Variants in PHACTR1 observed in about 807,000 individuals in gnomAD.
PHACTR1 encodes RPEL repeat containing 1.
PHACTR1 carries 16 observed loss-of-function variants against 69.2 expected under a neutral mutation model. The ratio of observed to expected loss-of-function variants is 0.23; its 90% CI spans 0.16 to 0.35. The LOEUF is 0.35. Ranked by LOEUF, PHACTR1 falls within the 10% of genes least tolerant of loss-of-function variation. The probability of loss-of-function intolerance (pLI) is 1.00; values close to 1 mark genes in which losing one functional copy is unlikely to be tolerated. For synonymous variants in PHACTR1, 312 were observed against 284.5 expected, an observed-to-expected ratio of 1.10 and a Z score of -0.97; for missense variants, 510 against 734.7, an observed-to-expected ratio of 0.69 and a Z score of 3.54.
intron 8 of PHACTR1, among the ~76,000 whole-genome samples, chr6:13,208,295 C>T (rs569221290): frequency 3.3e-5 from 5 of 152,306 alleles, no homozygotes; most frequent in African/African-American, 4.8e-5. Context: ...TCTGCAACCA[C>T]GTAAGTGCAG....
chr6:13,154,134 C>G (rs545392342), intron 5 of PHACTR1, among the ~76,000 whole-genome samples: 1 of 152,214 alleles, frequency 6.6e-6, no homozygotes, highest in East Asian at 1.9e-4. Flanking sequence ...CGTGTGGACA[C>G]TTGGATTTTA....
At chr6:13,057,871 A>C (rs1015388041) in intron 5 of PHACTR1, among the ~76,000 whole-genome samples, 13 of 152,194 alleles carry the variant, frequency 8.5e-5, no homozygotes, top group African/African-American at 2.7e-4. Flanking sequence ...GGCCCTGAGC[A>C]TTAAGACCCA....
intron 10 of PHACTR1, among the ~76,000 whole-genome samples, chr6:13,259,944 C>G (rs1775683567): frequency 6.6e-6 from 1 of 152,174 alleles, no homozygotes. Context: ...GGGCATAGTA[C>G]TGAGGAATAA....
At chr6:12,783,561 T>G (rs1771098351) in intron 4 of PHACTR1, among the ~76,000 whole-genome samples, 1 of 152,134 alleles carries the variant, frequency 6.6e-6, no homozygotes, top group South Asian at 2.1e-4. Flanking sequence ...AAATTAGCAG[T>G]TTTCAGCCTC....
chr6:12,920,667 G>A (rs563414296), intron 4 of PHACTR1, among the ~76,000 whole-genome samples: 1 of 152,344 alleles, frequency 6.6e-6, no homozygotes, highest in South Asian at 2.1e-4. Context: ...GAATTATGGT[G>A]AATGTAAAAG....
intron 4 of PHACTR1, among the ~76,000 whole-genome samples, chr6:12,935,961 A>G (rs554211465): frequency 9.1e-4 from 138 of 152,030 alleles, no homozygotes; most frequent in Middle Eastern, 3.4e-3. Context: ...TCTGAAACCT[A>G]ATGTTCTCAC....
intron 5 of PHACTR1, among the ~76,000 whole-genome samples, chr6:13,147,350 T>C (rs1050762517): frequency 2.0e-5 from 3 of 152,230 alleles, no homozygotes; most frequent in Admixed American, 6.5e-5. Context: ...CCCAAGAATA[T>C]GCAGCCTGGT....
intron 5 of PHACTR1, among the ~76,000 whole-genome samples, chr6:13,158,632 C>G (rs1758533689): frequency 1.3e-5 from 2 of 152,108 alleles, no homozygotes; most frequent in Admixed American, 1.3e-4. Context: ...GAAAATAACC[C>G]AGAGAGCTTT....
intron 4 of PHACTR1, among the ~76,000 whole-genome samples, chr6:12,891,234 A>G (rs1027058269): frequency 6.6e-6 from 1 of 152,146 alleles, no homozygotes; most frequent in Non-Finnish European, 1.5e-5. Context: ...TTGGGTGATC[A>G]GTGTGAAAAG....
chr6:13,134,481 T>G (rs1166083970), intron 5 of PHACTR1, among the ~76,000 whole-genome samples: 2 of 152,204 alleles, frequency 1.3e-5, no homozygotes, highest in African/African-American at 2.4e-5. Context: ...GCTGTTAATC[T>G]ATAACCTTAC....
At chr6:12,956,110 G>A (rs1791867373) in intron 4 of PHACTR1, among the ~76,000 whole-genome samples, 1 of 152,200 alleles carries the variant, frequency 6.6e-6, no homozygotes, top group African/African-American at 2.4e-5. Context: ...GAGAGAAAAG[G>A]AGTGAGACTA....
intron 10 of PHACTR1, among the ~76,000 whole-genome samples, chr6:13,269,026 T>C (rs568780301): frequency 1.7e-4 from 26 of 152,292 alleles, no homozygotes; most frequent in Admixed American, 1.4e-3. Flanking sequence ...ACAGAGCCAG[T>C]TGTCATGTTC....
intron 4 of PHACTR1, among the ~76,000 whole-genome samples, chr6:12,947,270 C>G (rs2127548797): frequency 6.6e-6 from 1 of 152,098 alleles, no homozygotes; most frequent in East Asian, 1.9e-4. Context: ...ACTGTTGAGA[C>G]AGGATGGTCT....
intron 7 of PHACTR1, among the ~76,000 whole-genome samples, chr6:13,200,959 G>T (rs1001063704): frequency 2.7e-5 from 4 of 147,870 alleles, no homozygotes; most frequent in South Asian, 2.2e-4. Flanking sequence ...AAAAAAAAAA[G>T]AAAAAAATTA....
At chr6:12,978,260 G>A (rs112299387) in intron 4 of PHACTR1, among the ~76,000 whole-genome samples, 96 of 152,246 alleles carry the variant, frequency 6.3e-4, no homozygotes, top group African/African-American at 2.0e-3. Context: ...CTTGCCTAGT[G>A]CAAATTCTCT....
At chr6:13,159,897 G>A (rs1049324182) in intron 5 of PHACTR1, among the ~76,000 whole-genome samples, 1 of 152,020 alleles carries the variant, frequency 6.6e-6, no homozygotes, top group Non-Finnish European at 1.5e-5. Context: ...CTGAGATCGC[G>A]CCACTGTACT....
At chr6:13,114,576 A>G (rs1014497012) in intron 5 of PHACTR1, among the ~76,000 whole-genome samples, 7 of 152,254 alleles carry the variant, frequency 4.6e-5, no homozygotes, top group Admixed American at 2.6e-4. Context: ...ATTTAGAGTT[A>G]AAATGTAATT....
At chr6:12,869,014 C>G (rs1781755348) in intron 4 of PHACTR1, among the ~76,000 whole-genome samples, 1 of 152,006 alleles carries the variant, frequency 6.6e-6, no homozygotes, top group African/African-American at 2.4e-5. Flanking sequence ...CTTGTGAATT[C>G]TATTTTACAA....
At chr6:12,782,187 T>C (rs1770919426) in intron 4 of PHACTR1, among the ~76,000 whole-genome samples, 3 of 152,186 alleles carry the variant, frequency 2.0e-5, no homozygotes, top group Admixed American at 1.3e-4. Flanking sequence ...TATCAAGGCA[T>C]CTCATAGGTT....
Sources: allele counts gnomAD v4.1 joint callset (sites outside exome capture counted in the v4.1 genomes callset), GRCh38; gene constraint gnomAD v4.1.1; transcripts MANE v1.5; gene names NCBI Gene and HGNC (gene_info 2026-07-23, HGNC 2026-07-21).